SP140L: variants seen among roughly 807,000 people sequenced by gnomAD.
SP140L encodes the protein nuclear body protein SP140-like protein.
In SP140L, 64 loss-of-function variants were observed where a neutral mutation model predicts 84.3. The observed-to-expected ratio is 0.76, with a 90% CI of 0.62 to 0.94. The LOEUF is 0.94. Among genes scored for constraint, SP140L ranks in the 40% least tolerant of loss-of-function variants. The pLI is 0.00. For missense variants in SP140L, 628 were observed against 692.5 expected, an observed-to-expected ratio of 0.91 and a Z score of 1.05; for synonymous variants, 242 against 236.9, an observed-to-expected ratio of 1.02 and a Z score of -0.20.
chr2:230,375,402 A>G (rs945214336), intron 7 of SP140L, among the ~76,000 whole-genome samples: 3 of 152,116 alleles, frequency 2.0e-5, no homozygotes, highest in Non-Finnish European at 4.4e-5. Context: ...TTTCCTTTGG[A>G]TACATACCCC....
chr2:230,354,935 A>C (rs146701981), intron 2 of SP140L, among the ~76,000 whole-genome samples: 1 of 151,812 alleles, frequency 6.6e-6, no homozygotes, highest in East Asian at 1.9e-4. Flanking sequence ...GAAAAAAGAA[A>C]AAGAAAAAGA....
In SP140L at chr2:230,343,497, G is replaced by C. The variant is rs2060122688; in HGVS notation, c.108-14308G>C. Among the ~76,000 whole-genome samples, 4 of 147,692 alleles carry C rather than the reference G, an allele frequency of 2.7e-5. No homozygotes were observed. In the South Asian group the frequency reaches 6.4e-4, roughly 24 times the overall value. ...CCAGTCTATCATTGATGGGCATTTA[G>C]GTGGATTACATGTTTTTGCTATTGT... is the stretch of plus-strand genomic sequence containing the variant. On this transcript the variant is annotated intron_variant, in intron 2 of 18. Transcript: ENST00000415673.
rs75980936 is a variant in SP140L at position 230,365,210 on chromosome 2, C to T, written c.523+3513C>T. 4.9e-4 allele frequency among the ~76,000 whole-genome samples: 74 copies of T among 152,034 alleles called. No homozygotes were observed. In the East Asian group the frequency reaches 0.011, roughly 23 times the overall value. Reference sequence around the variant, plus strand: ...TAGACCCCTTATTCAATTTTTTAGACGAGTTTGAAAAGTATCAGTATTTAT... The same window carrying T: ...TAGACCCCTTATTCAATTTTTTAGATGAGTTTGAAAAGTATCAGTATTTAT... On this transcript the variant is annotated intron_variant, in intron 5 of 18. Coordinates refer to ENST00000415673, the MANE Select transcript of SP140L (RefSeq NM_138402.6).
intron 15 of SP140L, 113 bp from the exon 16 acceptor site, chr2:230,400,842 C>T: frequency 6.4e-7 from 1 of 1,571,506 alleles, no homozygotes; most frequent in South Asian, 1.2e-5. Context: ...GTGTTCCCCT[C>T]CCTCCCATGA....
chr2:230,383,614 T>C lies in SP140L; in HGVS notation c.703+39T>C, dbSNP rs757690068. The C allele has an allele frequency of 3.8e-6, 6 of 1,568,500 alleles. No individual in the cohort carries two copies. The East Asian group carries it at 1.2e-4, about 30-fold the overall frequency. ...GTGAAGTAGTTACAGCTTTTGAGTT[T>C]ATTAAGGCGCTGTCCATTGTATTCT... On this transcript the variant is annotated intron_variant, in intron 8 of 18. Transcript: ENST00000415673.
Position 230,403,348 on chromosome 2 carries a change from GC to G in SP140L, c.*454del, listed in dbSNP as rs1381395500. On this transcript the variant is annotated 3_prime_UTR_variant, in exon 19 of 19. Transcript: ENST00000415673. ...CCTCCCAAGTAGCTGGGATTACAGT[GC>G]CTGCCACCATGCCCAGCTAATTTTT... 6.4e-6 allele frequency: 1 copy of G among 156,230 alleles called. No individual in the cohort carries two copies. The highest frequency in any genetic ancestry group is 2.4e-5 in the African/African-American group (1 of 41,448). 9.7% of individuals were successfully genotyped at this position (156,230 alleles called of 1,614,324 possible). A position where few individuals can be genotyped will look rare whatever the true frequency, so the allele number is the denominator to read the frequency against.
At chr2:230,339,293 T>G (rs1319202015) in intron 2 of SP140L, among the ~76,000 whole-genome samples, 1 of 151,756 alleles carries the variant, frequency 6.6e-6, no homozygotes, top group Non-Finnish European at 1.5e-5. Context: ...TAGAGGTGTT[T>G]GTTGTATTCT....
intron 2 of SP140L, among the ~76,000 whole-genome samples, chr2:230,357,444 T>C (rs2149729755): frequency 6.6e-6 from 1 of 152,346 alleles, no homozygotes; most frequent in Non-Finnish European, 1.5e-5. Context: ...TTATATTCCA[T>C]TGACTTTCAT....
intron 1 of SP140L, among the ~76,000 whole-genome samples, chr2:230,328,455 A>T (rs2059639838): frequency 1.3e-5 from 2 of 152,238 alleles, no homozygotes; most frequent in African/African-American, 4.8e-5. Flanking sequence ...ACTCATTTTA[A>T]TGGTGGAAAT....
At chr2:230,401,284 G>C (rs2062326274) in intron 16 of SP140L, 82 bp from the exon 17 acceptor site, 2 of 1,610,050 alleles carry the variant, frequency 1.2e-6, no homozygotes, top group Admixed American at 1.7e-5. Context: ...AGGAAGAAGG[G>C]TGTGAGTCGT....
At chr2:230,393,997 C>G (rs977685907) in intron 13 of SP140L, among the ~76,000 whole-genome samples, 1 of 152,130 alleles carries the variant, frequency 6.6e-6, no homozygotes, top group African/African-American at 2.4e-5. Flanking sequence ...CCTCTTTCAC[C>G]TTCCAAAAAA....
At chr2:230,345,794 C>T (rs1346179072) in intron 2 of SP140L, among the ~76,000 whole-genome samples, 8 of 152,052 alleles carry the variant, frequency 5.3e-5, no homozygotes, top group African/African-American at 1.9e-4. Context: ...TTTTAATTGA[C>T]TAATGTTACA....
At chr2:230,361,875 G>C (rs2060729893) in intron 5 of SP140L, among the ~76,000 whole-genome samples, 178 bp downstream of exon 5, 1 of 152,174 alleles carries the variant, frequency 6.6e-6, no homozygotes, top group Non-Finnish European at 1.5e-5. Context: ...TCCTGGAGAA[G>C]TGGCCATAAC....
At chr2:230,392,435 G>A (rs2061858738) in intron 12 of SP140L, among the ~76,000 whole-genome samples, 1 of 152,130 alleles carries the variant, frequency 6.6e-6, no homozygotes, top group Admixed American at 6.5e-5. Context: ...GCTCCATCAG[G>A]ATAGACTCAG....
At chr2:230,355,844 T>C (rs2060528826) in intron 2 of SP140L, among the ~76,000 whole-genome samples, 2 of 152,050 alleles carry the variant, frequency 1.3e-5, no homozygotes, top group Non-Finnish European at 2.9e-5. Flanking sequence ...AATTAAAGAT[T>C]TTTTCCTATC....
At chr2:230,402,442 G>A (rs12694860) in intron 18 of SP140L, among the ~76,000 whole-genome samples, 33,908 of 152,184 alleles carry the variant, frequency 0.22, 4,196 homozygotes, top group Non-Finnish European at 0.29. Context: ...TTAGCTGCAT[G>A]AGTTTTCAAG....
chr2:230,344,253 C>A (rs2060146390), intron 2 of SP140L, among the ~76,000 whole-genome samples: 1 of 152,106 alleles, frequency 6.6e-6, no homozygotes, highest in African/African-American at 2.4e-5. Flanking sequence ...TTGAATTGAA[C>A]CCTTTACCAT....
chr2:230,358,803 T>G (rs563051209), intron 3 of SP140L, among the ~76,000 whole-genome samples, 161 bp from the exon 4 acceptor site: 2 of 152,366 alleles, frequency 1.3e-5, no homozygotes, highest in African/African-American at 4.8e-5. Context: ...GATTTACTTC[T>G]TTCATTACTG....
intron 2 of SP140L, among the ~76,000 whole-genome samples, chr2:230,354,844 G>GA (rs1430712622): frequency 9.2e-4 from 77 of 83,866 alleles, no homozygotes; most frequent in Non-Finnish European, 1.2e-3. Flanking sequence ...AAGAAAGAAA[G>GA]AAAGGAAAGA....
Sources: gnomAD v4.1 joint callset for allele counts (sites outside exome capture counted in the v4.1 genomes callset) on GRCh38, gnomAD v4.1.1 for gene constraint, MANE v1.5 for transcripts, NCBI Gene and HGNC (gene_info 2026-07-23, HGNC 2026-07-21) for gene names.